The following RABGAP1L variants were observed in gnomAD, a reference collection of about 807,000 sequenced individuals.
RABGAP1L encodes RAB GTPase activating protein 1 like.
RABGAP1L carries 63 observed loss-of-function variants against 137.7 expected under a neutral mutation model. The observed-to-expected ratio is 0.46, with a 90% CI of 0.37 to 0.56. The LOEUF (loss-of-function observed/expected upper bound fraction) is 0.56. RABGAP1L is among the 20% of genes least tolerant of loss of function. The probability of loss-of-function intolerance (pLI) is 0.00; values close to 1 mark genes in which losing one functional copy is unlikely to be tolerated. For synonymous variants in RABGAP1L, 431 were observed against 433.7 expected (o/e 0.99, Z 0.08); for missense variants, 1,095 against 1,244.0 (o/e 0.88, Z 1.80).
Position 174,817,421 on chromosome 1 carries a change from T to C in RABGAP1L, c.2340+5461T>C, listed in dbSNP as rs144539574. ...TGTATCAAGGCAGGGAGAAGGATGT[T>C]TCATGCAGACAATATGCAGAAGCCC... is the stretch of plus-strand genomic sequence containing the variant. On this transcript the variant is annotated intron_variant, in intron 19 of 25. Transcript: ENST00000681986. Among the ~76,000 whole-genome samples the C allele has an allele frequency of 2.8e-4, 43 of 152,258 alleles. 1 individual carries two copies. Among genetic ancestry groups the C allele is most frequent in the African/African-American group, 1.0e-3 (42 of 41,556 alleles).
chr1:174,600,243 A>G (rs568513137), intron 13 of RABGAP1L, among the ~76,000 whole-genome samples: 126 of 152,290 alleles, frequency 8.3e-4, no homozygotes, highest in African/African-American at 2.9e-3. Flanking sequence ...CCCTCCCACA[A>G]TAACGTGGGA....
At chr1:174,404,062 T>A (rs1262434875) in intron 13 of RABGAP1L, among the ~76,000 whole-genome samples, 1 of 152,200 alleles carries the variant, frequency 6.6e-6, no homozygotes. Context: ...CTCTCTATTG[T>A]TTCTAGGGCT....
At chr1:174,893,044 C>T in intron 19 of RABGAP1L, 2 of 272,892 alleles carry the variant, frequency 7.3e-6, no homozygotes, top group South Asian at 4.1e-5. Flanking sequence ...CCACGCCCAG[C>T]CAGGCTACCT....
chr1:174,692,240 C>G (rs1678924547), intron 15 of RABGAP1L, among the ~76,000 whole-genome samples: 1 of 152,094 alleles, frequency 6.6e-6, no homozygotes, highest in South Asian at 2.1e-4. Context: ...GGTTCTATGC[C>G]AAGAGTTGTG....
At chr1:174,946,917 AATAT>A (rs1229002557) in intron 19 of RABGAP1L, among the ~76,000 whole-genome samples, 11 of 59,818 alleles carry the variant, frequency 1.8e-4, no homozygotes, top group African/African-American at 8.2e-4. Context: ...AAAAAAAAAA[AATAT>A]ATATATATAT....
rs115851525 is a variant in RABGAP1L, at chr1:174,841,218, C to A, written c.2340+29258C>A. ...CTAAGAATGTCAAATAAAACATTCA[C>A]AAAAATAGACCATAAAGAAAATTTC... is the stretch of plus-strand genomic sequence containing the variant. On this transcript the variant is annotated intron_variant, in intron 19 of 25. Transcript: ENST00000681986. 3.7e-3 allele frequency among the ~76,000 whole-genome samples: 563 copies of A among 152,048 alleles called. 2 individuals carry two copies. Among genetic ancestry groups the A allele is most frequent in the Non-Finnish European group, 6.2e-3 (422 of 67,976 alleles).
In RABGAP1L at chr1:174,438,667, G is replaced by A. The variant is rs1029253124; in HGVS notation, c.1710+44522G>A. 8.1e-5 allele frequency among the ~76,000 whole-genome samples: 12 copies of A among 148,394 alleles called. No individual in the cohort carries two copies. The South Asian group carries it at 1.5e-3, about 18-fold the overall frequency. Reference sequence around the variant, plus strand: ...CAGGAGGCGGAGTTTGCAGTGAGCCGAGATCACGCCACTGCACTCCAGCCT... The same window carrying A: ...CAGGAGGCGGAGTTTGCAGTGAGCCAAGATCACGCCACTGCACTCCAGCCT... On this transcript the variant is annotated intron_variant, in intron 13 of 25. Transcript: ENST00000681986.
At chr1:174,479,852 A>G (rs1376414291) in intron 13 of RABGAP1L, among the ~76,000 whole-genome samples, 1 of 152,196 alleles carries the variant, frequency 6.6e-6, no homozygotes, top group Non-Finnish European at 1.5e-5. Flanking sequence ...GATGGTCAGT[A>G]TTGATTCTAC....
chr1:174,976,286 T>C, intron 22 of RABGAP1L, 104 bp downstream of exon 22: 3 of 977,556 alleles, frequency 3.1e-6, no homozygotes, highest in South Asian at 3.1e-5. Flanking sequence ...TCAAAGGTGA[T>C]GTTAAAGCAG....
chr1:174,923,335 G>T (rs1157610122), intron 19 of RABGAP1L, among the ~76,000 whole-genome samples: 1 of 152,116 alleles, frequency 6.6e-6, no homozygotes, highest in African/African-American at 2.4e-5. Context: ...AGACTGATTT[G>T]TGTAAAGCAC....
chr1:174,631,719 T>G (rs980078821), intron 13 of RABGAP1L, among the ~76,000 whole-genome samples: 1 of 127,930 alleles, frequency 7.8e-6, no homozygotes, highest in Non-Finnish European at 1.6e-5. Context: ...TTGCAACCCC[T>G]GCCTTTTTTT....
At chr1:174,187,853 A>G (rs1666923364) in intron 1 of RABGAP1L, among the ~76,000 whole-genome samples, 1 of 152,130 alleles carries the variant, frequency 6.6e-6, no homozygotes, top group African/African-American at 2.4e-5. Context: ...TAACGTAATG[A>G]TATTTGCTCT....
At chr1:174,623,821 CCCT>C (rs1317796746) in intron 13 of RABGAP1L, among the ~76,000 whole-genome samples, 2 of 152,146 alleles carry the variant, frequency 1.3e-5, no homozygotes, top group African/African-American at 4.8e-5. Context: ...CCTTGGACCC[CCCT>C]CATCAGGCAT....
chr1:174,542,369 G>C (rs1665542060), intron 13 of RABGAP1L, among the ~76,000 whole-genome samples: 1 of 152,174 alleles, frequency 6.6e-6, no homozygotes, highest in Non-Finnish European at 1.5e-5. Context: ...AGATTTTCTA[G>C]TTTATTTGCG....
At chr1:174,890,933 A>G (rs1656037583) in intron 19 of RABGAP1L, among the ~76,000 whole-genome samples, 1 of 152,210 alleles carries the variant, frequency 6.6e-6, no homozygotes, top group Non-Finnish European at 1.5e-5. Flanking sequence ...ACAATACTGC[A>G]GTGAGTAATC....
intron 19 of RABGAP1L, among the ~76,000 whole-genome samples, chr1:174,847,294 C>T (rs557955562): frequency 3.3e-5 from 5 of 151,630 alleles, no homozygotes; most frequent in Admixed American, 6.6e-5. Context: ...TGATTTTGCT[C>T]GTTAGTTGAT....
At chr1:174,939,310 C>T (rs562868858) in intron 19 of RABGAP1L, among the ~76,000 whole-genome samples, 38 of 152,204 alleles carry the variant, frequency 2.5e-4, no homozygotes, top group African/African-American at 8.7e-4. Flanking sequence ...AATCCCAGCA[C>T]TTTGGGAGAC....
chr1:174,617,167 T>C (rs1008116885), intron 13 of RABGAP1L, among the ~76,000 whole-genome samples: 2 of 152,138 alleles, frequency 1.3e-5, no homozygotes, highest in African/African-American at 4.8e-5. Context: ...AGAGAAAAAA[T>C]GTAGAAGAAA....
chr1:174,392,022 T>A (rs1001160267), intron 12 of RABGAP1L, among the ~76,000 whole-genome samples: 9 of 152,216 alleles, frequency 5.9e-5, no homozygotes, highest in African/African-American at 2.2e-4. Context: ...TCAAATAGTT[T>A]ATTCAGGTGG....
Sources: gnomAD v4.1 joint callset for allele counts (sites outside exome capture counted in the v4.1 genomes callset) on GRCh38, gnomAD v4.1.1 for gene constraint, MANE v1.5 for transcripts, NCBI Gene and HGNC (gene_info 2026-07-23, HGNC 2026-07-21) for gene names.